Variants in LOC128706665 observed in about 807,000 individuals in gnomAD.
chr20:10,420,339 G>A, the LOC128706665 span, among the ~76,000 whole-genome samples: 1 of 152,188 alleles, frequency 6.6e-6, no homozygotes, highest in Non-Finnish European at 1.5e-5. Context: ...TGCCAGGCAA[G>A]TGTCAAATGT....
At chr20:10,416,536 A>C in the LOC128706665 span, among the ~76,000 whole-genome samples, 7 of 152,182 alleles carry the variant, frequency 4.6e-5, no homozygotes, top group Non-Finnish European at 8.8e-5. Flanking sequence ...GCAAACCCAC[A>C]GGTTCATACT....
chr20:10,429,966 C>G, the LOC128706665 span, among the ~76,000 whole-genome samples: 2 of 152,174 alleles, frequency 1.3e-5, no homozygotes, highest in Non-Finnish European at 2.9e-5. Flanking sequence ...AAGTTTGAGA[C>G]CCACTGTTCT....
At chr20:10,421,259 G>A in the LOC128706665 span, among the ~76,000 whole-genome samples, 4 of 148,616 alleles carry the variant, frequency 2.7e-5, no homozygotes, top group African/African-American at 5.0e-5. Context: ...GTGAAACATC[G>A]TTTCTACTAA....
chr20:10,424,954 G>T, the LOC128706665 span, among the ~76,000 whole-genome samples: 1 of 151,878 alleles, frequency 6.6e-6, no homozygotes, highest in African/African-American at 2.4e-5. Flanking sequence ...TCGGGAGGCT[G>T]AGGCAGAAGA....
chr20:10,426,143 A>G, the LOC128706665 span, among the ~76,000 whole-genome samples: 1 of 152,228 alleles, frequency 6.6e-6, no homozygotes, highest in East Asian at 1.9e-4. Flanking sequence ...AGATCATTTT[A>G]TAAATGAAGA....
At chr20:10,428,182 G>A in the LOC128706665 span, among the ~76,000 whole-genome samples, 1 of 152,204 alleles carries the variant, frequency 6.6e-6, no homozygotes, top group Non-Finnish European at 1.5e-5. Flanking sequence ...TTATCACAAT[G>A]GTTGTAGTGG....
the LOC128706665 span, among the ~76,000 whole-genome samples, chr20:10,419,369 T>C: frequency 3.3e-5 from 5 of 152,090 alleles, no homozygotes; most frequent in Non-Finnish European, 7.4e-5. Context: ...ACATAATCAA[T>C]ATAATCATAA....
the LOC128706665 span, among the ~76,000 whole-genome samples, chr20:10,430,040 A>G: frequency 2.0e-5 from 3 of 151,946 alleles, no homozygotes; most frequent in Admixed American, 2.0e-4. Flanking sequence ...ACAAAAAACA[A>G]AAAAACAAAA....
chr20:10,425,299 T>A, the LOC128706665 span, among the ~76,000 whole-genome samples: 1 of 152,340 alleles, frequency 6.6e-6, no homozygotes, highest in East Asian at 1.9e-4. Context: ...GGCGATATCC[T>A]AATTTGACCA....
the LOC128706665 span, among the ~76,000 whole-genome samples, chr20:10,431,219 C>A: frequency 6.6e-6 from 1 of 152,050 alleles, no homozygotes; most frequent in Non-Finnish European, 1.5e-5. Context: ...ATATTATCAT[C>A]GAATATTTTG....
At chr20:10,427,029 G>GACACACACACAGACACACACACAC in the LOC128706665 span, among the ~76,000 whole-genome samples, 250 of 130,780 alleles carry the variant, frequency 1.9e-3, 3 homozygotes, top group African/African-American at 6.1e-3. Context: ...AGAAAACACT[G>GACACACACACAGACACACACACAC]ACACACACAC....
chr20:10,413,890 CTTCT>C, the LOC128706665 span: 1 of 422,314 alleles, frequency 2.4e-6, no homozygotes, highest in Non-Finnish European at 4.2e-6. Context: ...TTTTTCATCT[CTTCT>C]TTCGATATGA....
chr20:10,415,487 CA>C, the LOC128706665 span, among the ~76,000 whole-genome samples: 2 of 152,258 alleles, frequency 1.3e-5, no homozygotes, highest in South Asian at 4.1e-4. Context: ...CAATGATGGT[CA>C]GCTTTCTTCC....
At chr20:10,426,866 G>T in the LOC128706665 span, among the ~76,000 whole-genome samples, 1 of 152,174 alleles carries the variant, frequency 6.6e-6, no homozygotes, top group Admixed American at 6.5e-5. Flanking sequence ...CCTACTAATG[G>T]TTGAGATTAG....
the LOC128706665 span, chr20:10,431,888 CCTTT>C: frequency 1.3e-4 from 20 of 152,104 alleles, no homozygotes; most frequent in Admixed American, 5.2e-4. Context: ...ACTCAGAGAG[CCTTT>C]CTCTCAGCAC....
chr20:10,430,763 C>G, the LOC128706665 span, among the ~76,000 whole-genome samples: 1 of 152,206 alleles, frequency 6.6e-6, no homozygotes, highest in Non-Finnish European at 1.5e-5. Context: ...AGTCAGAAAA[C>G]TGATACAGAG....
chr20:10,418,415 T>C, the LOC128706665 span, among the ~76,000 whole-genome samples: 1 of 152,188 alleles, frequency 6.6e-6, no homozygotes, highest in Non-Finnish European at 1.5e-5. Context: ...TTTTCCATAA[T>C]GAAAATAAGA....
chr20:10,429,217 C>T, the LOC128706665 span, among the ~76,000 whole-genome samples: 3 of 152,146 alleles, frequency 2.0e-5, no homozygotes, highest in African/African-American at 7.2e-5. Flanking sequence ...ATAAAGATCA[C>T]CAATCCTTCC....
At chr20:10,425,063 AAAAG>A in the LOC128706665 span, among the ~76,000 whole-genome samples, 5,120 of 151,788 alleles carry the variant, frequency 0.034, 261 homozygotes, top group East Asian at 0.27. Context: ...CAAAAAAAAA[AAAAG>A]AAAGAAAGAA....
Sources: gnomAD v4.1 joint callset for allele counts (sites outside exome capture counted in the v4.1 genomes callset) on GRCh38, gnomAD v4.1.1 for gene constraint, MANE v1.5 for transcripts.